JDP2: variants seen among roughly 807,000 people sequenced by gnomAD.
JDP2 encodes Jun dimerization protein 2.
Under a neutral mutation model 17.1 loss-of-function variants are expected in JDP2, and 9 were observed. The observed-to-expected ratio is 0.53, with a 90% CI of 0.32 to 0.92. The LOEUF is 0.92. Ranked by LOEUF, JDP2 falls within the 40% of genes least tolerant of loss-of-function variation. The probability of loss-of-function intolerance (pLI) is 0.04; values close to 1 mark genes in which losing one functional copy is unlikely to be tolerated. For synonymous variants in JDP2, 107 were observed against 95.6 expected, an observed-to-expected ratio of 1.12 and a Z score of -0.69; for missense variants, 179 against 220.0, an observed-to-expected ratio of 0.81 and a Z score of 1.18.
chr14:75,454,653 T>C (rs11847041), intron 2 of JDP2, among the ~76,000 whole-genome samples: 6,292 of 152,190 alleles, frequency 0.041, 435 homozygotes, highest in African/African-American at 0.14. Context: ...TGTTAGTGAA[T>C]GCACCTTGAA....
intron 2 of JDP2, among the ~76,000 whole-genome samples, chr14:75,454,024 CTA>C (rs1885989986): frequency 6.6e-6 from 1 of 152,114 alleles, no homozygotes; most frequent in African/African-American, 2.4e-5. Context: ...GTCCTGCAAG[CTA>C]TGTTTTTGAA....
chr14:75,457,508 T>C (rs3784015), intron 2 of JDP2, among the ~76,000 whole-genome samples: 72,078 of 152,116 alleles, frequency 0.47, 17,619 homozygotes, highest in African/African-American at 0.59. Flanking sequence ...TAAATAGCAG[T>C]GCGAGGATTT....
chr14:75,450,481 G>T (rs1330293540), intron 2 of JDP2, among the ~76,000 whole-genome samples: 1 of 152,180 alleles, frequency 6.6e-6, no homozygotes, highest in East Asian at 1.9e-4. Context: ...TTATCCACCC[G>T]TGCCCCCAGC....
chr14:75,469,705 C>T lies in JDP2; in HGVS notation c.*230C>T. On this transcript the variant is annotated 3_prime_UTR_variant, in exon 4 of 4. Coordinates refer to ENST00000651602, the MANE Select transcript of JDP2 (RefSeq NM_001135048.2). ...GACCAAGCGCTGAGACCAAAGTTGA[C>T]CCTCGGGTAGGGTTGTCCTGCCTGG... 1.9e-6 allele frequency: 1 copy of T among 521,354 alleles called. No individual in the cohort carries two copies. Among genetic ancestry groups the T allele is most frequent in the Non-Finnish European group, 3.4e-6 (1 of 291,670 alleles). 32.3% of individuals were successfully genotyped at this position (521,354 alleles called of 1,614,324 possible). A position where few individuals can be genotyped will look rare whatever the true frequency, so the allele number is the denominator to read the frequency against.
Position 75,430,180 on chromosome 14 carries a change from C to T in JDP2, c.-24+1928C>T, listed in dbSNP as rs974928625. 5.3e-5 allele frequency among the ~76,000 whole-genome samples: 8 copies of T among 152,308 alleles called. No individual in the cohort carries two copies. Among genetic ancestry groups the T allele is most frequent in the Middle Eastern group, 3.4e-3 (1 of 294 alleles). Reference sequence around the variant, plus strand: ...CATTTTTTTCCAACCTGCAGAATCCCTGGCAGGAATAGGCTCTCTGGGCCT... The same window carrying T: ...CATTTTTTTCCAACCTGCAGAATCCTTGGCAGGAATAGGCTCTCTGGGCCT... On this transcript the variant is annotated intron_variant, in intron 1 of 3. Transcript: ENST00000651602. The surrounding 1 kb of genome is among the most constrained non-coding windows in gnomAD (Gnocchi z 4.5).
chr14:75,469,152 A>C (rs1839374088), intron 3 of JDP2, 138 bp from the exon 4 acceptor site: 4 of 711,660 alleles, frequency 5.6e-6, no homozygotes, highest in Non-Finnish European at 6.8e-6. Context: ...CCAGGGGCTC[A>C]GTAGCAGGGT....
chr14:75,437,936 A>G lies in JDP2; in HGVS notation c.16A>G (p.Ile6Val). 1.2e-6 allele frequency: 2 copies of G among 1,611,518 alleles called. No individual in the cohort carries two copies. The highest frequency in any genetic ancestry group is 1.7e-6 in the Non-Finnish European group (2 of 1,179,140). ...TCCTCCTGCTATGATGCCTGGGCAG[A>G]TCCCGGACCCTTCGGTGACCACAGG... MMPGQ[I>V]PDPSVTTGSL... Residue 6 changes from isoleucine to valine, a missense_variant, in exon 2 of 4, where the codon ATC (isoleucine) becomes GTC (valine). Physicochemically the swap from Ile to Val is conservative, Grantham distance 29 (BLOSUM62 3). Coordinates refer to ENST00000651602, the MANE Select transcript of JDP2 (RefSeq NM_001135048.2).
chr14:75,446,510 G>A (rs981531243), intron 2 of JDP2, among the ~76,000 whole-genome samples: 2 of 152,202 alleles, frequency 1.3e-5, no homozygotes, highest in African/African-American at 4.8e-5. Flanking sequence ...CTGTAATATG[G>A]ATGAACCTTG....
intron 2 of JDP2, among the ~76,000 whole-genome samples, chr14:75,438,722 C>T (rs573433704): frequency 5.3e-5 from 8 of 152,192 alleles, no homozygotes; most frequent in Non-Finnish European, 8.8e-5. Context: ...GGGACCCACA[C>T]GTGGAGCACC....
At chr14:75,468,413 A>G (rs1319722322) in intron 3 of JDP2, among the ~76,000 whole-genome samples, 1 of 152,184 alleles carries the variant, frequency 6.6e-6, no homozygotes, top group Non-Finnish European at 1.5e-5. Flanking sequence ...ATAAATGCCA[A>G]GTCTCAAAGT....
intron 2 of JDP2, among the ~76,000 whole-genome samples, chr14:75,454,254 C>T (rs1334436316): frequency 6.6e-6 from 1 of 152,166 alleles, no homozygotes; most frequent in Non-Finnish European, 1.5e-5. Context: ...ATGTTAAAAA[C>T]TTCTAACTCT....
chr14:75,466,486 G>A (rs1346069511), intron 3 of JDP2, among the ~76,000 whole-genome samples: 1 of 152,176 alleles, frequency 6.6e-6, no homozygotes, highest in East Asian at 1.9e-4. Context: ...CAGACAGTCA[G>A]AATTCAGGAT....
chr14:75,434,890 T>G (rs1411280148), intron 1 of JDP2, among the ~76,000 whole-genome samples: 2 of 152,240 alleles, frequency 1.3e-5, no homozygotes, highest in Non-Finnish European at 2.9e-5. Context: ...TGCTCTGCTG[T>G]GAATTTGCTG....
rs759959308 is a variant in JDP2 at position 75,469,416 on chromosome 14, A to G, written c.433A>G (p.Ser145Gly). The change falls in exon 4 of 4, where the codon AGT becomes GGT. Residue 145 changes from serine to glycine, a missense_variant. Coordinates refer to ENST00000651602, the MANE Select transcript of JDP2 (RefSeq NM_001135048.2). ...HRPTCIVRTD[S>G]VKTPESEGNP... ...CCCCACCTGCATCGTCCGGACCGAC[A>G]GTGTCAAGACCCCCGAGTCAGAAGG... The G allele has an allele frequency of 1.9e-6, 3 of 1,614,136 alleles. No homozygotes were observed. Among genetic ancestry groups the G allele is most frequent in the Non-Finnish European group, 2.5e-6 (3 of 1,180,008 alleles).
chr14:75,444,815 A>G (rs1277047760), intron 2 of JDP2, among the ~76,000 whole-genome samples: 1 of 152,232 alleles, frequency 6.6e-6, no homozygotes, highest in Middle Eastern at 3.2e-3. Flanking sequence ...GTATTAGCCT[A>G]TGACCTGGGT....
intron 2 of JDP2, among the ~76,000 whole-genome samples, chr14:75,453,031 C>CG (rs1885937786): frequency 6.6e-6 from 1 of 152,232 alleles, no homozygotes; most frequent in East Asian, 1.9e-4. Flanking sequence ...TGCAGGCTGC[C>CG]GGGGGTCAGC....
chr14:75,436,349 C>A (rs545247416), intron 1 of JDP2, among the ~76,000 whole-genome samples: 1 of 152,316 alleles, frequency 6.6e-6, no homozygotes, highest in East Asian at 1.9e-4. Flanking sequence ...GAAGTATTGT[C>A]CGATGGACAT....
rs766174095 is a variant in JDP2, at chr14:75,469,526, C to A, written c.*51C>A. 1.3e-6 allele frequency: 2 copies of A among 1,567,436 alleles called. No homozygotes were observed. Among genetic ancestry groups the A allele is most frequent in the Non-Finnish European group, 1.7e-6 (2 of 1,153,140 alleles). On this transcript the variant is annotated 3_prime_UTR_variant, in exon 4 of 4. Transcript: ENST00000651602. ...GGAGGAAGAGGAGAAGGAAAAGTGA[C>A]GAAGAGAGAGGAGGAGGGGGGCCCC...
intron 2 of JDP2, among the ~76,000 whole-genome samples, chr14:75,457,437 A>C (rs1327437540): frequency 2.0e-5 from 3 of 152,254 alleles, no homozygotes; most frequent in African/African-American, 7.2e-5. Flanking sequence ...GGATCTGCCA[A>C]ATGCCTGTCT....
Sources: gnomAD v4.1 joint callset for allele counts (sites outside exome capture counted in the v4.1 genomes callset) on GRCh38, gnomAD v4.1.1 for gene constraint, Gnocchi (gnomAD v3.1) non-coding constraint, MANE v1.5 for transcripts, NCBI Gene and HGNC (gene_info 2026-07-23, HGNC 2026-07-21) for gene names.